The following RALGAPB variants were observed in gnomAD, a reference collection of about 807,000 sequenced individuals.
RALGAPB encodes ral GTPase-activating protein subunit beta.
Under a neutral mutation model 161.1 loss-of-function variants are expected in RALGAPB, and 25 were observed. The observed-to-expected ratio is 0.16, with a 90% CI of 0.11 to 0.22. The LOEUF is 0.22. Among genes scored for constraint, RALGAPB ranks in the 10% least tolerant of loss-of-function variants. The probability of loss-of-function intolerance (pLI) is 1.00; values close to 1 mark genes in which losing one functional copy is unlikely to be tolerated. For missense variants in RALGAPB, 1,391 were observed against 1,815.2 expected (o/e 0.77, Z 4.25); for synonymous variants, 629 against 626.1 (o/e 1.00, Z -0.07).
At chr20:38,482,829 A>G (rs556314922) in intron 1 of RALGAPB, among the ~76,000 whole-genome samples, 19 of 152,352 alleles carry the variant, frequency 1.2e-4, no homozygotes, top group Admixed American at 3.3e-4. Context: ...CAAACGGATT[A>G]CATATGTGAT....
intron 28 of RALGAPB, among the ~76,000 whole-genome samples, chr20:38,572,660 A>T (rs965999780): frequency 7.2e-5 from 11 of 152,342 alleles, no homozygotes; most frequent in African/African-American, 2.6e-4. Context: ...TTAAACTTCT[A>T]AAAGAGGGCA....
intron 28 of RALGAPB, chr20:38,573,735 A>G (rs551404113): frequency 6.6e-6 from 1 of 152,656 alleles, no homozygotes; most frequent in South Asian, 2.1e-4. Context: ...CTATGCTGAA[A>G]TTCCTTGTAC....
intron 9 of RALGAPB, among the ~76,000 whole-genome samples, chr20:38,518,816 A>T (rs904424574): frequency 6.6e-6 from 1 of 152,148 alleles, no homozygotes; most frequent in Non-Finnish European, 1.5e-5. Context: ...TTGGTAAGAA[A>T]CCACTCTTCT....
At chr20:38,544,794 G>A (rs1448683882) in intron 18 of RALGAPB, among the ~76,000 whole-genome samples, 1 of 152,080 alleles carries the variant, frequency 6.6e-6, no homozygotes, top group Non-Finnish European at 1.5e-5. Flanking sequence ...GATATGATTT[G>A]ATGATCTTTA....
chr20:38,532,222 A>AT (rs2086676585), intron 14 of RALGAPB, among the ~76,000 whole-genome samples: 1 of 151,820 alleles, frequency 6.6e-6, no homozygotes, highest in Non-Finnish European at 1.5e-5. Context: ...CGCCCGGCTA[A>AT]TTTTTTTGTA....
chr20:38,549,295 A>C (rs183463026), intron 20 of RALGAPB, among the ~76,000 whole-genome samples: 220 of 152,064 alleles, frequency 1.4e-3, no homozygotes, highest in African/African-American at 5.0e-3. Context: ...TGGTGTAATC[A>C]TAGCTCACTG....
At chr20:38,556,950 G>A (rs1012927671) in intron 22 of RALGAPB, among the ~76,000 whole-genome samples, 7 of 152,144 alleles carry the variant, frequency 4.6e-5, no homozygotes, top group Admixed American at 2.0e-4. Context: ...ACTTATGTTT[G>A]ACTGCAGAAA....
Position 38,499,437 on chromosome 20 carries a change from T to C in RALGAPB, c.554-10T>C, listed in dbSNP as rs16987350. 38,056 of 1,567,000 alleles carry C rather than the reference T, an allele frequency of 0.024. 976 individuals are homozygous for C. Among genetic ancestry groups the C allele is most frequent in the African/African-American group, 0.13 (9,506 of 72,782 alleles). ...GTTTGCCAAAGATGTGTTTTCTTTT[T>C]GTTGGTAAGGTGGCATTGCTGAGAA... On this transcript the variant is annotated splice_polypyrimidine_tract_variant and intron_variant, in intron 4 of 29. Coordinates refer to ENST00000262879, the MANE Select transcript of RALGAPB (RefSeq NM_020336.4).
rs532356169 is a variant in RALGAPB at position 38,539,180 on chromosome 20, A to G, written c.2380-596A>G. On this transcript the variant is annotated intron_variant, in intron 16 of 29. Coordinates refer to ENST00000262879, the MANE Select transcript of RALGAPB (RefSeq NM_020336.4). ...ATCTTTATATGACTTTATTTATTTA[A>G]ACTCTAGAAAATGCAAGCTAATCTA... Among the ~76,000 whole-genome samples the G allele has an allele frequency of 4.7e-4, 72 of 152,344 alleles. 3 individuals are homozygous for G. The East Asian group carries it at 0.013, about 27-fold the overall frequency.
chr20:38,562,946 T>G (rs2087839323), intron 24 of RALGAPB, among the ~76,000 whole-genome samples: 1 of 152,154 alleles, frequency 6.6e-6, no homozygotes, highest in Admixed American at 6.5e-5. Context: ...TTGAGGGCCA[T>G]GTATTTGTAG....
chr20:38,509,107 T>A lies in RALGAPB; in HGVS notation c.771T>A (p.Phe257Leu), dbSNP rs1025041070. ...RLLRFTYGPS[F>L]PAFKVPDEDA... ...TACGCTTTACATATGGTCCTTCATT[T>A]CCTGCATTTAAAGTTCCCGATGAAG... Residue 257 changes from phenylalanine (F) to leucine (L), a missense_variant, in exon 6 of 30, where the codon TTT (phenylalanine) becomes TTA (leucine). Physicochemically the swap from Phe to Leu is conservative, Grantham distance 22 (BLOSUM62 0). This residue lies in a region of RALGAPB where 946 missense variants were observed against 1,257.2 expected (regional missense o/e 0.75). Coordinates refer to ENST00000262879, the MANE Select transcript of RALGAPB (RefSeq NM_020336.4). 6.2e-7 allele frequency: 1 copy of A among 1,613,550 alleles called. No homozygotes were observed. The highest frequency in any genetic ancestry group is 1.3e-5 in the African/African-American group (1 of 74,926).
At chr20:38,479,935 A>G (rs6064606) in intron 1 of RALGAPB, among the ~76,000 whole-genome samples, 5,852 of 151,832 alleles carry the variant, frequency 0.039, 179 homozygotes, top group African/African-American at 0.089. Flanking sequence ...GCTTTAATGG[A>G]AATTTAGTTC....
At chr20:38,548,594 G>T in intron 19 of RALGAPB, 95 bp from the exon 20 acceptor site, 1 of 954,506 alleles carries the variant, frequency 1.0e-6, no homozygotes. Context: ...ACACTGTTGG[G>T]CCTTTGATTA....
intron 14 of RALGAPB, 46 bp from the exon 15 acceptor site, chr20:38,532,684 G>C (rs747286065): frequency 6.2e-7 from 1 of 1,601,532 alleles, no homozygotes; most frequent in South Asian, 1.1e-5. Context: ...ATTTATGCTT[G>C]TAAACTGTGA....
intron 13 of RALGAPB, among the ~76,000 whole-genome samples, chr20:38,527,800 C>G (rs1568943934): frequency 6.6e-6 from 1 of 152,184 alleles, no homozygotes; most frequent in Admixed American, 6.5e-5. Context: ...TTGTTACACC[C>G]TTGCTCTGAG....
At chr20:38,495,768 GTTTC>G (rs2085410918) in intron 3 of RALGAPB, among the ~76,000 whole-genome samples, 2 of 152,116 alleles carry the variant, frequency 1.3e-5, no homozygotes, top group South Asian at 4.1e-4. Context: ...AGGTTACCTT[GTTTC>G]TTTTAGCTTT....
intron 18 of RALGAPB, 138 bp from the exon 19 acceptor site, chr20:38,546,105 A>G: frequency 6.9e-7 from 1 of 1,443,852 alleles, no homozygotes; most frequent in Non-Finnish European, 9.3e-7. Context: ...ATTCACCACA[A>G]GGAGTAAATC....
chr20:38,568,040 A>G (rs1460521711), intron 26 of RALGAPB, among the ~76,000 whole-genome samples: 5 of 152,236 alleles, frequency 3.3e-5, no homozygotes, highest in Non-Finnish European at 7.3e-5. Context: ...TCAGTATTGC[A>G]TAGCAATGCA....
chr20:38,506,483 G>T (rs2085766911), intron 5 of RALGAPB, among the ~76,000 whole-genome samples: 1 of 152,136 alleles, frequency 6.6e-6, no homozygotes, highest in South Asian at 2.1e-4. Context: ...TGGTCAAGAT[G>T]GGGTTCCTCC....
Sources: allele counts gnomAD v4.1 joint callset (sites outside exome capture counted in the v4.1 genomes callset), GRCh38; gene constraint gnomAD v4.1.1; regional missense constraint gnomAD v4.1.1; transcripts MANE v1.5; gene names NCBI Gene and HGNC (gene_info 2026-07-23, HGNC 2026-07-21).